The following ARL5A variants were observed in gnomAD, a reference collection of about 807,000 sequenced individuals.
ARL5A encodes the protein ARF like GTPase 5A.
ARL5A carries 18 observed loss-of-function variants against 25.9 expected under a neutral mutation model. That is an observed-to-expected ratio of 0.69 (90% CI 0.48 to 1.03). The LOEUF is 1.03. Among genes scored for constraint, ARL5A ranks in the 50% least tolerant of loss-of-function variants. ARL5A has a pLI of 0.00. For missense variants in ARL5A, 170 were observed against 211.9 expected (o/e 0.80, Z 1.23); for synonymous variants, 61 against 67.5 (o/e 0.90, Z 0.47).
At chr2:151,818,923 C>T (rs1042581951) in intron 1 of ARL5A, among the ~76,000 whole-genome samples, 3 of 151,970 alleles carry the variant, frequency 2.0e-5, no homozygotes, top group African/African-American at 7.3e-5. Flanking sequence ...GAATATATCC[C>T]GCCCCCGCCT....
chr2:151,828,051 G>C (rs1439328538), intron 1 of ARL5A, 80 bp downstream of exon 1: 5 of 1,481,748 alleles, frequency 3.4e-6, no homozygotes, highest in Non-Finnish European at 4.7e-6. Context: ...CCCACATTCC[G>C]AAGTATTCGG....
At chr2:151,813,427 T>C (rs183309881) in intron 3 of ARL5A, among the ~76,000 whole-genome samples, 17 of 152,326 alleles carry the variant, frequency 1.1e-4, no homozygotes, top group South Asian at 2.1e-4. Flanking sequence ...TTGAAACCTA[T>C]AGCATATGTA....
chr2:151,820,170 A>C (rs1559822676), intron 1 of ARL5A, among the ~76,000 whole-genome samples: 2 of 152,250 alleles, frequency 1.3e-5, no homozygotes, highest in African/African-American at 4.8e-5. Flanking sequence ...GGAAAGGAAA[A>C]GGTTAACAGT....
Position 151,801,214 on chromosome 2 carries a change from C to T in ARL5A, c.*2062G>A, listed in dbSNP as rs2099829375. 1 of 152,532 alleles carries T rather than the reference C, an allele frequency of 6.6e-6. No individual in the cohort carries two copies. Among genetic ancestry groups the T allele is most frequent in the African/African-American group, 2.4e-5 (1 of 41,440 alleles). 9.4% of individuals were successfully genotyped at this position (152,532 alleles called of 1,614,324 possible). A position where few individuals can be genotyped will look rare whatever the true frequency, so the allele number is the denominator to read the frequency against. On this transcript the variant is annotated 3_prime_UTR_variant, in exon 6 of 6. Coordinates refer to ENST00000295087, the MANE Select transcript of ARL5A (RefSeq NM_012097.4). Reference sequence around the variant, plus strand: ...GATGTCATGTCAATAATCCACTACACTAAACCAACTGTAACAAGGTAGTAC... The same window carrying T: ...GATGTCATGTCAATAATCCACTACATTAAACCAACTGTAACAAGGTAGTAC...
At chr2:151,812,210 T>C (rs2099830936) in intron 4 of ARL5A, 147 bp downstream of exon 4, 5 of 485,120 alleles carry the variant, frequency 1.0e-5, no homozygotes, top group East Asian at 6.6e-5. Flanking sequence ...AACTGGGAGA[T>C]GTCAGAGTAA....
At chr2:151,816,429 C>T (rs1055157833) in intron 1 of ARL5A, among the ~76,000 whole-genome samples, 21 of 152,174 alleles carry the variant, frequency 1.4e-4, no homozygotes, top group Admixed American at 5.2e-4. Context: ...TGAGCTTAGT[C>T]GACGCGTAAG....
intron 4 of ARL5A, chr2:151,810,685 C>T: frequency 3.6e-6 from 1 of 278,182 alleles, no homozygotes; most frequent in Non-Finnish European, 7.3e-6. Flanking sequence ...GTTAAGTGAC[C>T]TATGTAAGTT....
At chr2:151,815,240 G>T in intron 1 of ARL5A, 41 bp from the exon 2 acceptor site, 2 of 1,442,238 alleles carry the variant, frequency 1.4e-6, no homozygotes, top group Non-Finnish European at 1.9e-6. Context: ...TTCAAAAAAG[G>T]AAAAAAAAAG....
In ARL5A at chr2:151,800,771, T is replaced by C. The variant is rs1444575308; in HGVS notation, c.*2505A>G. On this transcript the variant is annotated 3_prime_UTR_variant, in exon 6 of 6. Transcript: ENST00000295087. ...TAGCATATGGTTACTTTTGCCCAGATATCAAAAGAAGTTACATGACTTTCA... is the reference window on the plus strand; with the variant it reads ...TAGCATATGGTTACTTTTGCCCAGACATCAAAAGAAGTTACATGACTTTCA... The C allele has an allele frequency of 6.6e-6, 1 of 152,416 alleles. No individual in the cohort carries two copies. Among genetic ancestry groups the C allele is most frequent in the African/African-American group, 2.4e-5 (1 of 41,446 alleles). 9.4% of individuals were successfully genotyped at this position (152,416 alleles called of 1,614,324 possible).
intron 1 of ARL5A, among the ~76,000 whole-genome samples, chr2:151,820,166 G>A (rs2099832079): frequency 6.6e-6 from 1 of 152,198 alleles, no homozygotes; most frequent in African/African-American, 2.4e-5. Context: ...CTGAGGAAAG[G>A]AAAAGGTTAA....
chr2:151,821,888 C>T (rs761104174), intron 1 of ARL5A, among the ~76,000 whole-genome samples: 1 of 148,444 alleles, frequency 6.7e-6, no homozygotes, highest in Non-Finnish European at 1.5e-5. Flanking sequence ...CTCGCCCTGT[C>T]GCCCAGGCTG....
rs1428525731 is a variant in ARL5A, at chr2:151,801,666, TTGAG to T, written c.*1606_*1609del. ...CCCATGCCTGACCTGGATTTAGATA[TTGAG>T]TATTTCCCATTTTAAAGAAAGAAAC... On this transcript the variant is annotated 3_prime_UTR_variant, in exon 6 of 6. Transcript: ENST00000295087. 2 of 152,150 alleles carry T rather than the reference TTGAG, an allele frequency of 1.3e-5. No individual in the cohort carries two copies. The highest frequency in any genetic ancestry group is 2.9e-5 in the Non-Finnish European group (2 of 67,968). The allele number at this position is 152,150 out of a possible 1,614,324, so 9.4% of individuals were successfully genotyped here. A position where few individuals can be genotyped will look rare whatever the true frequency, so the allele number is the denominator to read the frequency against.
At chr2:151,821,768 C>T (rs1009613841) in intron 1 of ARL5A, among the ~76,000 whole-genome samples, 16 of 145,642 alleles carry the variant, frequency 1.1e-4, no homozygotes, top group Admixed American at 2.1e-4. Flanking sequence ...CTACCATGCC[C>T]GGCTTTCTTT....
intron 1 of ARL5A, among the ~76,000 whole-genome samples, chr2:151,821,204 T>C (rs1371116578): frequency 1.3e-5 from 2 of 152,226 alleles, no homozygotes; most frequent in African/African-American, 4.8e-5. Flanking sequence ...CTACCTATTT[T>C]ACAAATTCAA....
intron 4 of ARL5A, 91 bp from the exon 5 acceptor site, chr2:151,807,063 C>T: frequency 3.3e-6 from 4 of 1,226,748 alleles, no homozygotes; most frequent in Non-Finnish European, 4.5e-6. Flanking sequence ...TCTTAGTAAA[C>T]AAGAATTTCT....
Position 151,799,673 on chromosome 2 carries a change from C to T in ARL5A, c.*3603G>A, listed in dbSNP as rs2099829158. 6.6e-6 allele frequency: 1 copy of T among 152,160 alleles called. No homozygotes were observed. Among genetic ancestry groups the T allele is most frequent in the Non-Finnish European group, 1.5e-5 (1 of 68,028 alleles). 9.4% of individuals were successfully genotyped at this position (152,160 alleles called of 1,614,324 possible). On this transcript the variant is annotated 3_prime_UTR_variant, in exon 6 of 6. Coordinates refer to ENST00000295087, the MANE Select transcript of ARL5A (RefSeq NM_012097.4). ...CTAATATTGGCATCTATATGCTATA[C>T]ACACTGCAAGCTGGTCTTCTGATGG... is the stretch of plus-strand genomic sequence containing the variant.
In ARL5A at chr2:151,801,484, T is replaced by C. The variant is rs1306610290; in HGVS notation, c.*1792A>G. 1 of 152,146 alleles carries C rather than the reference T, an allele frequency of 6.6e-6. No individual in the cohort carries two copies. The highest frequency in any genetic ancestry group is 1.5e-5 in the Non-Finnish European group (1 of 67,972). The allele number at this position is 152,146 out of a possible 1,614,324, so 9.4% of individuals were successfully genotyped here. On this transcript the variant is annotated 3_prime_UTR_variant, in exon 6 of 6. Coordinates refer to ENST00000295087, the MANE Select transcript of ARL5A (RefSeq NM_012097.4). ...ATTTTTAATAGATAACAAGTAATTC[T>C]TTATAGGGATTTGAGAAAGTACGAG...
chr2:151,813,029 A>G (rs2099831055), intron 3 of ARL5A, among the ~76,000 whole-genome samples: 2 of 152,142 alleles, frequency 1.3e-5, no homozygotes, highest in Admixed American at 1.3e-4. Context: ...AAGACTTGTG[A>G]TTGTTGTGCA....
At chr2:151,814,643 C>CTAT (rs2099831277) in intron 2 of ARL5A, among the ~76,000 whole-genome samples, 1 of 151,958 alleles carries the variant, frequency 6.6e-6, no homozygotes, top group Non-Finnish European at 1.5e-5. Context: ...CCTTGACCTC[C>CTAT]TGAATAGGAT....
Sources: allele counts gnomAD v4.1 joint callset (sites outside exome capture counted in the v4.1 genomes callset), GRCh38; gene constraint gnomAD v4.1.1; transcripts MANE v1.5; gene names NCBI Gene and HGNC (gene_info 2026-07-23, HGNC 2026-07-21).